The following ATAD2B variants were observed in gnomAD, a reference collection of about 807,000 sequenced individuals.
ATAD2B encodes the protein ATPase family AAA domain-containing protein 2B.
A neutral mutation model predicts 167.6 loss-of-function variants in ATAD2B; 40 were observed. The observed-to-expected ratio is 0.24, with a 90% CI of 0.19 to 0.31. The LOEUF (loss-of-function observed/expected upper bound fraction) is 0.31, where lower values mean the gene tolerates loss of function less well. Among genes scored for constraint, ATAD2B ranks in the 10% least tolerant of loss-of-function variants. ATAD2B has a pLI of 1.00. For missense variants in ATAD2B, 1,242 were observed against 1,757.2 expected, an observed-to-expected ratio of 0.71 and a Z score of 5.24; for synonymous variants, 579 against 596.5, an observed-to-expected ratio of 0.97 and a Z score of 0.43.
In ATAD2B at chr2:23,834,025, T is replaced by C. The variant is rs769850024; in HGVS notation, c.1622A>G (p.Glu541Gly). The change falls in exon 14 of 28, where the codon GAA (glutamate) becomes GGA (glycine). Residue 541 changes from glutamate to glycine, a missense_variant. Physicochemically the swap from Glu to Gly is moderately conservative, Grantham distance 98. Around this residue, in one of 9 missense-constraint regions of ATAD2B, gnomAD observed 151 missense variants for 284.1 expected, o/e 0.53. Coordinates refer to ENST00000238789, the MANE Select transcript of ATAD2B (RefSeq NM_017552.4). Reference protein sequence around the residue: ...ALMDGLDNRGEIVVIGATNRL... With the variant: ...ALMDGLDNRGGIVVIGATNRL... Reference sequence around the variant, plus strand: ...GTTTGTAGCACCAATAACAACAATTTCACCCCTATTATCTAATCCATCCAT... The same window carrying C: ...GTTTGTAGCACCAATAACAACAATTCCACCCCTATTATCTAATCCATCCAT... 6.2e-7 allele frequency: 1 copy of C among 1,612,564 alleles called. No individual in the cohort carries two copies. The highest frequency in any genetic ancestry group is 8.5e-7 in the Non-Finnish European group (1 of 1,179,000).
the ATAD2B span, chr2:23,691,740 A>G: frequency 6.4e-7 from 1 of 1,551,816 alleles, no homozygotes; most frequent in Non-Finnish European, 8.7e-7. Context: ...ACCTGCAGGC[A>G]GACGTCCTGG....
chr2:23,686,344 C>T, the ATAD2B span, among the ~76,000 whole-genome samples: 12 of 152,106 alleles, frequency 7.9e-5, no homozygotes, highest in Non-Finnish European at 8.8e-5. Context: ...GGAGAGAGGA[C>T]ATCCCCACCT....
intron 20 of ATAD2B, chr2:23,788,266 A>C (rs981737315): frequency 2.3e-6 from 1 of 432,138 alleles, no homozygotes; most frequent in Admixed American, 3.6e-5. Context: ...ATAATGTGAC[A>C]TCTACCACAG....
At chr2:23,907,091 C>T (rs1162840914) in intron 1 of ATAD2B, among the ~76,000 whole-genome samples, 2,757 of 150,522 alleles carry the variant, frequency 0.018, 92 homozygotes, top group African/African-American at 0.065. Context: ...CACTCCTATT[C>T]AACATAGTGT....
At chr2:23,901,758 A>G (rs1700869352) in intron 1 of ATAD2B, among the ~76,000 whole-genome samples, 1 of 152,192 alleles carries the variant, frequency 6.6e-6, no homozygotes, top group Admixed American at 6.6e-5. Context: ...ATAAATCTCT[A>G]AGGATGAAAT....
intron 18 of ATAD2B, among the ~76,000 whole-genome samples, chr2:23,801,718 ACTTT>A (rs951065416): frequency 1.2e-4 from 18 of 152,122 alleles, no homozygotes; most frequent in Admixed American, 9.2e-4. Flanking sequence ...TTTTTTTAAA[ACTTT>A]CTTTATTAAA....
chr2:23,903,171 G>A (rs1044144901), intron 1 of ATAD2B, among the ~76,000 whole-genome samples: 2 of 151,962 alleles, frequency 1.3e-5, no homozygotes, highest in Non-Finnish European at 2.9e-5. Flanking sequence ...CAGCAGTTGA[G>A]GTTGCAGTGA....
At position 23,844,291 on chromosome 2, in the gene ATAD2B, T is replaced by A. The variant is rs141198016; in HGVS notation, c.1569-10213A>T. Among the ~76,000 whole-genome samples the A allele has an allele frequency of 3.8e-4, 57 of 151,650 alleles. 2 individuals carry two copies. The highest frequency in any genetic ancestry group is 3.0e-3 in the Admixed American group (46 of 15,220). On this transcript the variant is annotated intron_variant, in intron 13 of 27. Coordinates refer to ENST00000238789, the MANE Select transcript of ATAD2B (RefSeq NM_017552.4). ...AGAATCAAACTGTTTTCAAGTTGATTAACTGTGTCTCAAAAGGAAAAAAAA... is the reference window on the plus strand; with the variant it reads ...AGAATCAAACTGTTTTCAAGTTGATAAACTGTGTCTCAAAAGGAAAAAAAA...
At position 23,750,726 on chromosome 2, in the gene ATAD2B, T is replaced by C. The variant is rs1450449118; in HGVS notation, c.*1320A>G. On this transcript the variant is annotated 3_prime_UTR_variant, in exon 28 of 28. Coordinates refer to ENST00000238789, the MANE Select transcript of ATAD2B (RefSeq NM_017552.4). The stretch of plus-strand genomic sequence containing the variant: ...CTGATAAAAAAAGTCACTGCATCCT[T>C]TGCCTCATTGCAACTGCCTAGACTG... 6.6e-6 allele frequency: 1 copy of C among 152,164 alleles called. No homozygotes were observed. Among genetic ancestry groups the C allele is most frequent in the Non-Finnish European group, 1.5e-5 (1 of 68,018 alleles). The allele number at this position is 152,164 out of a possible 1,614,324, so 9.4% of individuals were successfully genotyped here. A position where few individuals can be genotyped will look rare whatever the true frequency, so the allele number is the denominator to read the frequency against.
At chr2:23,850,821 T>C (rs1023818912) in intron 13 of ATAD2B, among the ~76,000 whole-genome samples, 3 of 152,190 alleles carry the variant, frequency 2.0e-5, no homozygotes, top group South Asian at 2.1e-4. Context: ...AATTCACACA[T>C]TGAAACCTAA....
chr2:23,801,220 T>A (rs978956147), intron 18 of ATAD2B, among the ~76,000 whole-genome samples: 1 of 151,316 alleles, frequency 6.6e-6, no homozygotes, highest in Non-Finnish European at 1.5e-5. Flanking sequence ...TCTTATAGTA[T>A]AAGCAACAGG....
chr2:23,899,110 T>G (rs891140207), intron 1 of ATAD2B, among the ~76,000 whole-genome samples: 2 of 151,786 alleles, frequency 1.3e-5, no homozygotes. Context: ...ATCATGCCAT[T>G]GCACTCCAGC....
intron 18 of ATAD2B, among the ~76,000 whole-genome samples, chr2:23,808,570 C>T (rs886722487): frequency 6.6e-6 from 1 of 152,020 alleles, no homozygotes; most frequent in Admixed American, 6.6e-5. Context: ...TAAGAGAAAA[C>T]TATCATTTTA....
chr2:23,692,735 C>G, the ATAD2B span, among the ~76,000 whole-genome samples: 2 of 152,108 alleles, frequency 1.3e-5, no homozygotes, highest in African/African-American at 4.8e-5. Context: ...GCTCCCACCC[C>G]AGACCTAGCC....
intron 24 of ATAD2B, 55 bp downstream of exon 24, chr2:23,762,154 T>C (rs1676827046): frequency 1.3e-5 from 21 of 1,571,730 alleles, no homozygotes; most frequent in South Asian, 3.5e-5. Context: ...TCCTAACATA[T>C]CTACATCATT....
chr2:23,738,938 C>A, the ATAD2B span, among the ~76,000 whole-genome samples: 2 of 152,020 alleles, frequency 1.3e-5, no homozygotes, highest in African/African-American at 4.8e-5. Context: ...CAACAAAGAT[C>A]AAAAGAGACA....
chr2:23,679,443 G>A, the ATAD2B span, among the ~76,000 whole-genome samples: 1 of 152,212 alleles, frequency 6.6e-6, no homozygotes, highest in East Asian at 1.9e-4. Flanking sequence ...GTGAGTGAAA[G>A]TGAGCAAAGC....
chr2:23,924,479 T>G (rs1186880365), intron 1 of ATAD2B, among the ~76,000 whole-genome samples: 2 of 152,152 alleles, frequency 1.3e-5, no homozygotes, highest in Non-Finnish European at 2.9e-5. Context: ...ATATACAACC[T>G]GCTTCATAAA....
At chr2:23,897,868 G>A (rs973275968) in intron 1 of ATAD2B, among the ~76,000 whole-genome samples, 2 of 152,194 alleles carry the variant, frequency 1.3e-5, no homozygotes, top group African/African-American at 2.4e-5. Flanking sequence ...TGGGCACTAC[G>A]TGTGCTCACT....
Sources: allele counts gnomAD v4.1 joint callset (sites outside exome capture counted in the v4.1 genomes callset), GRCh38; gene constraint gnomAD v4.1.1; regional missense constraint gnomAD v4.1.1; transcripts MANE v1.5; gene names NCBI Gene and HGNC (gene_info 2026-07-23, HGNC 2026-07-21).